HSF2BP: variants seen among roughly 807,000 people sequenced by gnomAD.
The protein encoded by HSF2BP is heat shock transcription factor 2 binding protein.
HSF2BP carries 35 observed loss-of-function variants against 35.0 expected under a neutral mutation model. The observed-to-expected ratio is 1.00, with a 90% CI of 0.76 to 1.32. The LOEUF (loss-of-function observed/expected upper bound fraction) is 1.32, where lower values mean the gene tolerates loss of function less well. Among genes scored for constraint, HSF2BP ranks in the 40% most tolerant of loss-of-function variants. The pLI, the probability that HSF2BP is intolerant of heterozygous loss-of-function variation, is 0.00. For synonymous variants in HSF2BP, 114 were observed against 117.4 expected (o/e 0.97, Z 0.18); for missense variants, 326 against 321.7 (o/e 1.01, Z -0.10).
chr21:43,613,044 G>T (rs1408616070), intron 7 of HSF2BP, among the ~76,000 whole-genome samples: 1 of 152,200 alleles, frequency 6.6e-6, no homozygotes, highest in Non-Finnish European at 1.5e-5. Flanking sequence ...ATCCAGGTAT[G>T]CCTCATCTAA....
chr21:43,640,241 C>T, intron 4 of HSF2BP, among the ~76,000 whole-genome samples: 1 of 152,210 alleles, frequency 6.6e-6, no homozygotes, highest in East Asian at 1.9e-4. Flanking sequence ...GTCAAGGATG[C>T]TGTGAGCCAT....
chr21:43,591,996 T>C (rs2081931267), intron 8 of HSF2BP, among the ~76,000 whole-genome samples: 2 of 152,318 alleles, frequency 1.3e-5, no homozygotes, highest in South Asian at 2.1e-4. Flanking sequence ...TGGCTTATTA[T>C]TATAATTGTT....
At chr21:43,609,526 T>G (rs2082177040) in intron 7 of HSF2BP, among the ~76,000 whole-genome samples, 1 of 152,112 alleles carries the variant, frequency 6.6e-6, no homozygotes, top group Non-Finnish European at 1.5e-5. Context: ...ATGAGTGACC[T>G]TCGATCATGA....
intron 6 of HSF2BP, among the ~76,000 whole-genome samples, chr21:43,616,651 A>G (rs1361816126): frequency 6.6e-6 from 1 of 152,120 alleles, no homozygotes; most frequent in Non-Finnish European, 1.5e-5. Context: ...TTTAAAAAAA[A>G]GAAAAAACAC....
Position 43,595,726 on chromosome 21 carries a change from ATTTTTTTTTTTT to A in HSF2BP, c.693-3410_693-3399del, listed in dbSNP as rs770855952. 2.3e-3 allele frequency among the ~76,000 whole-genome samples: 135 copies of A among 58,454 alleles called. 1 individual carries two copies. The highest frequency in any genetic ancestry group is 7.7e-3 in the Admixed American group (23 of 2,998). 38.3% of individuals were successfully genotyped at this position (58,454 alleles called of 152,430 possible). A position where few individuals can be genotyped will look rare whatever the true frequency, so the allele number is the denominator to read the frequency against. On this transcript the variant is annotated intron_variant, in intron 7 of 8. Coordinates refer to ENST00000291560, the MANE Select transcript of HSF2BP (RefSeq NM_007031.2). ...AGCATCTTTAAAAATTAAGAGGCTAATTTTTTTTTTTTTTTTTTTTTTTTTTTTTTTTTGTGA... is the reference window on the plus strand; with the variant it reads ...AGCATCTTTAAAAATTAAGAGGCTAATTTTTTTTTTTTTTTTTTTTTGTGA...
At chr21:43,575,030 G>A (rs1398432158) in intron 8 of HSF2BP, among the ~76,000 whole-genome samples, 1 of 152,208 alleles carries the variant, frequency 6.6e-6, no homozygotes, top group Non-Finnish European at 1.5e-5. Context: ...GAGCAGCAGG[G>A]CCTTCCCTCC....
intron 7 of HSF2BP, among the ~76,000 whole-genome samples, chr21:43,608,097 G>A (rs2082156848): frequency 6.7e-6 from 1 of 149,446 alleles, no homozygotes; most frequent in Non-Finnish European, 1.5e-5. Flanking sequence ...TGACAATTGG[G>A]ACATAATTAA....
chr21:43,636,286 AAAAG>A (rs1423681205), intron 4 of HSF2BP, among the ~76,000 whole-genome samples: 1 of 151,722 alleles, frequency 6.6e-6, no homozygotes, highest in African/African-American at 2.4e-5. Flanking sequence ...GAAGGGGAAA[AAAAG>A]AGAATCATAA....
intron 3 of HSF2BP, 39 bp from the exon 4 acceptor site, chr21:43,644,431 T>A: frequency 6.8e-7 from 1 of 1,472,074 alleles, no homozygotes; most frequent in South Asian, 1.1e-5. Flanking sequence ...ATATTTCAAG[T>A]CACTAATCTC....
intron 7 of HSF2BP, among the ~76,000 whole-genome samples, chr21:43,598,349 C>T (rs958451289): frequency 2.6e-5 from 4 of 151,356 alleles, no homozygotes; most frequent in African/African-American, 9.7e-5. Flanking sequence ...GGACTACAGG[C>T]GTGCACCACC....
chr21:43,644,404 A>G lies in HSF2BP; in HGVS notation c.188-12T>C. ...TTTCCTTTCCAGGTCTAGGAGAAAG[A>G]CATAAAATTACTCAAGATATTTCAA... On this transcript the variant is annotated splice_polypyrimidine_tract_variant and intron_variant, in intron 3 of 8. Transcript: ENST00000291560. 1 of 1,596,824 alleles carries G rather than the reference A, an allele frequency of 6.3e-7. No individual in the cohort carries two copies. Among genetic ancestry groups the G allele is most frequent in the Non-Finnish European group, 8.6e-7 (1 of 1,164,140 alleles).
intron 4 of HSF2BP, among the ~76,000 whole-genome samples, chr21:43,639,373 T>C (rs1385570800): frequency 6.6e-6 from 1 of 152,076 alleles, no homozygotes; most frequent in Non-Finnish European, 1.5e-5. Context: ...AGCTACAGAC[T>C]GGGAGAAAAG....
chr21:43,657,408 G>A (rs2082886390), intron 2 of HSF2BP, among the ~76,000 whole-genome samples: 1 of 152,168 alleles, frequency 6.6e-6, no homozygotes, highest in Non-Finnish European at 1.5e-5. Context: ...GAAAACGCCT[G>A]CAACTTTTTA....
intron 8 of HSF2BP, among the ~76,000 whole-genome samples, chr21:43,584,539 T>C (rs1253527025): frequency 1.3e-5 from 2 of 152,192 alleles, no homozygotes; most frequent in Non-Finnish European, 2.9e-5. Context: ...AACATCCTCA[T>C]AGACATACCC....
chr21:43,637,310 T>C (rs887112794), intron 4 of HSF2BP, among the ~76,000 whole-genome samples: 1 of 152,154 alleles, frequency 6.6e-6, no homozygotes, highest in African/African-American at 2.4e-5. Flanking sequence ...GACTACATAT[T>C]ATACACATAT....
chr21:43,605,527 AAC>A (rs1389342446), intron 7 of HSF2BP, among the ~76,000 whole-genome samples: 2 of 140,096 alleles, frequency 1.4e-5, no homozygotes, highest in African/African-American at 5.3e-5. Flanking sequence ...ACCTCCCACA[AAC>A]ACACATACCC....
At chr21:43,575,267 G>A (rs1165224398) in intron 8 of HSF2BP, among the ~76,000 whole-genome samples, 1 of 152,208 alleles carries the variant, frequency 6.6e-6, no homozygotes, top group Non-Finnish European at 1.5e-5. Context: ...GAGCATGCTC[G>A]CCTTTCGAGG....
chr21:43,656,855 TC>T (rs1297985232), intron 2 of HSF2BP, 118 bp from the exon 3 acceptor site: 3 of 780,872 alleles, frequency 3.8e-6, no homozygotes, highest in Non-Finnish European at 6.3e-6. Flanking sequence ...AAATCATGTC[TC>T]TACCTACTGT....
intron 4 of HSF2BP, among the ~76,000 whole-genome samples, chr21:43,639,495 A>G (rs2082607695): frequency 6.6e-6 from 1 of 152,244 alleles, no homozygotes; most frequent in Non-Finnish European, 1.5e-5. Flanking sequence ...AAGACACGAA[A>G]AAAACATTTC....
Sources: allele counts gnomAD v4.1 joint callset (sites outside exome capture counted in the v4.1 genomes callset), GRCh38; gene constraint gnomAD v4.1.1; transcripts MANE v1.5; gene names NCBI Gene and HGNC (gene_info 2026-07-23, HGNC 2026-07-21).